Variants in GRTP1 observed in about 807,000 individuals in gnomAD.
The protein encoded by GRTP1 is growth hormone regulated TBC protein 1, also known as growth hormone-regulated TBC protein 1.
A neutral mutation model predicts 38.1 loss-of-function variants in GRTP1; 56 were observed. The ratio of observed to expected loss-of-function variants is 1.47; its 90% CI spans 1.19 to 1.84. The LOEUF (loss-of-function observed/expected upper bound fraction) is 1.84. GRTP1 is among the 40% of genes most tolerant of loss of function. The probability of loss-of-function intolerance (pLI) is 0.00; values close to 1 mark genes in which losing one functional copy is unlikely to be tolerated. For missense variants in GRTP1, 506 were observed against 453.9 expected (o/e 1.11, Z -1.04); for synonymous variants, 217 against 189.5 (o/e 1.14, Z -1.19).
chr13:113,329,013 G>T (rs74115840), intron 5 of GRTP1, among the ~76,000 whole-genome samples: 81 of 152,360 alleles, frequency 5.3e-4, no homozygotes, highest in African/African-American at 1.8e-3. Flanking sequence ...GTAGCAGGCT[G>T]CCCAGGATGG....
rs753951859 is a variant in GRTP1 at position 113,326,049 on chromosome 13, T to A, written c.605A>T (p.Glu202Val). ...PAMLGLKTDQ[E>V]VLGELVRAKL... ...CGCCCGCACCAGCTCCCCGAGGACC[T>A]CCTGGTCGGTCTTCAGGCCCAGCAT... The change falls in exon 6 of 8, where the codon GAG (glutamate) becomes GTG (valine). Residue 202 changes from glutamate to valine, a missense_variant. Coordinates refer to ENST00000375431, the MANE Select transcript of GRTP1 (RefSeq NM_024719.4). 8 of 1,612,272 alleles carry A rather than the reference T, an allele frequency of 5.0e-6. No individual in the cohort carries two copies. Among genetic ancestry groups the A allele is most frequent in the Admixed American group, 1.7e-5 (1 of 59,974 alleles).
chr13:113,326,693 C>A (rs994121171), intron 5 of GRTP1, among the ~76,000 whole-genome samples: 1 of 151,888 alleles, frequency 6.6e-6, no homozygotes, highest in Admixed American at 6.6e-5. Flanking sequence ...AAACAAAAAT[C>A]TGCAGGTGGA....
rs1566438084 is a variant in GRTP1 at position 113,352,362 on chromosome 13, A to ATATATATATATTTATATATATTT, written c.341-1390_341-1389insAAATATATATAAATATATATATA. Reference sequence around the variant, plus strand: ...TTATATATATATTTATATATATTTTATATATATATATATATTTATATATAT... The same window carrying ATATATATATATTTATATATATTT: ...TTATATATATATTTATATATATTTTATATATATATATTTATATATATTTTATATATATATATATTTATATATAT... On this transcript the variant is annotated intron_variant, in intron 3 of 7. Coordinates refer to ENST00000375431, the MANE Select transcript of GRTP1 (RefSeq NM_024719.4). 5.3e-3 allele frequency among the ~76,000 whole-genome samples: 431 copies of ATATATATATATTTATATATATTT among 80,746 alleles called. 23 individuals are homozygous for ATATATATATATTTATATATATTT. Among genetic ancestry groups the ATATATATATATTTATATATATTT allele is most frequent in the African/African-American group, 0.018 (311 of 17,766 alleles). 53.0% of individuals were successfully genotyped at this position (80,746 alleles called of 152,430 possible). A position where few individuals can be genotyped will look rare whatever the true frequency, so the allele number is the denominator to read the frequency against.
intron 2 of GRTP1, among the ~76,000 whole-genome samples, chr13:113,363,452 G>T (rs2043536905): frequency 6.6e-6 from 1 of 152,122 alleles, no homozygotes; most frequent in African/African-American, 2.4e-5. Flanking sequence ...TGATCCGCCC[G>T]CCTCGGCCTC....
chr13:113,363,572 C>T (rs902798491), intron 2 of GRTP1, among the ~76,000 whole-genome samples, 190 bp downstream of exon 2: 3 of 152,186 alleles, frequency 2.0e-5, no homozygotes, highest in African/African-American at 7.2e-5. Flanking sequence ...TCGCGTCCGA[C>T]CCGCCGGCCC....
rs1566433596 is a variant in GRTP1, at chr13:113,348,004, C to CAG, written c.465+2844_465+2845insCT. ...AGCAGACCTGGGAGGACCTGTGTGG[C>CAG]TGAGCGGACCTGGGAGGACCTGTCT... On this transcript the variant is annotated intron_variant, in intron 4 of 7. Transcript: ENST00000375431. The surrounding 1 kb of genome is among the most constrained non-coding windows in gnomAD (Gnocchi z 4.8). Among the ~76,000 whole-genome samples the CAG allele has an allele frequency of 1.1e-4, 16 of 149,802 alleles. No individual in the cohort carries two copies. The highest frequency in any genetic ancestry group is 4.0e-4 in the African/African-American group (16 of 40,130).
intron 4 of GRTP1, among the ~76,000 whole-genome samples, chr13:113,347,448 A>G (rs1213878555): frequency 2.1e-4 from 20 of 96,214 alleles, no homozygotes; most frequent in African/African-American, 5.5e-4. Context: ...GGCTGAGAGC[A>G]GACCCAGGAG....
rs1801338835 is a variant in GRTP1 at position 113,349,195 on chromosome 13, C to T, written c.465+1654G>A. Among the ~76,000 whole-genome samples, 1 of 150,386 alleles carries T rather than the reference C, an allele frequency of 6.6e-6. No individual in the cohort carries two copies. The highest frequency in any genetic ancestry group is 2.1e-4 in the South Asian group (1 of 4,720). On this transcript the variant is annotated intron_variant, in intron 4 of 7. Coordinates refer to ENST00000375431, the MANE Select transcript of GRTP1 (RefSeq NM_024719.4). This position sits in a 1 kb window ranked among gnomAD's most constrained non-coding sequence, Gnocchi z 5.0. ...GGGTGGTGTTTTTTTTTGTTTGTTT[C>T]TCGGTTTTTTTCAGACAGGGTCTTG...
intron 7 of GRTP1, 36 bp downstream of exon 7, chr13:113,325,625 C>T (rs1000088162): frequency 8.7e-6 from 14 of 1,612,926 alleles, no homozygotes; most frequent in Non-Finnish European, 1.2e-5. Context: ...GCGGGGCCCC[C>T]TGGGAGGGGA....
rs1595499408 is a variant in GRTP1 at position 113,347,597 on chromosome 13, GACCCGGGAGGACC to G, written c.466-2651_466-2639del. 3.1e-4 allele frequency among the ~76,000 whole-genome samples: 24 copies of G among 76,272 alleles called. 1 individual carries two copies. The highest frequency in any genetic ancestry group is 4.7e-4 in the African/African-American group (9 of 19,010). 50.0% of individuals were successfully genotyped at this position (76,272 alleles called of 152,430 possible). The stretch of plus-strand genomic sequence containing the variant: ...AGGAGGACCTCTGTGGCTGAGAACA[GACCCGGGAGGACC>G]TCTGTGGCTGAGAGCGGACCTGGGA... On this transcript the variant is annotated intron_variant, in intron 4 of 7. Coordinates refer to ENST00000375431, the MANE Select transcript of GRTP1 (RefSeq NM_024719.4).
chr13:113,346,123 C>T lies in GRTP1; in HGVS notation c.466-1164G>A, dbSNP rs1221272749. Among the ~76,000 whole-genome samples, 209 of 128,576 alleles carry T rather than the reference C, an allele frequency of 1.6e-3. 27 individuals are homozygous for T. Among genetic ancestry groups the T allele is most frequent in the South Asian group, 2.3e-3 (9 of 3,976 alleles). The allele number at this position is 128,576 out of a possible 152,430, so 84.4% of individuals were successfully genotyped here. ...GTGGCCGAGAACAGACCCGGGAGGA[C>T]CTCTGTGGACAAGAGCAGACCCGGG... On this transcript the variant is annotated intron_variant, in intron 4 of 7. Coordinates refer to ENST00000375431, the MANE Select transcript of GRTP1 (RefSeq NM_024719.4).
intron 2 of GRTP1, among the ~76,000 whole-genome samples, chr13:113,363,422 G>A (rs1308926547): frequency 6.6e-6 from 1 of 152,122 alleles, no homozygotes; most frequent in Admixed American, 6.5e-5. Flanking sequence ...GGTCAGGCTG[G>A]TCTCAAACTC....
At chr13:113,346,018 G>GCAAA (rs2043103031) in intron 4 of GRTP1, among the ~76,000 whole-genome samples, 3 of 91,432 alleles carry the variant, frequency 3.3e-5, no homozygotes, top group African/African-American at 1.2e-4. Flanking sequence ...CTCTGCGGCT[G>GCAAA]AGCAGACCTG....
chr13:113,352,547 G>A (rs913868992), intron 3 of GRTP1, among the ~76,000 whole-genome samples: 3 of 151,248 alleles, frequency 2.0e-5, no homozygotes, highest in Non-Finnish European at 2.9e-5. Context: ...GCTAATTTAC[G>A]TATTGTTTTG....
intron 5 of GRTP1, 70 bp from the exon 6 acceptor site, chr13:113,326,161 G>A: frequency 6.4e-7 from 1 of 1,568,600 alleles, no homozygotes; most frequent in Non-Finnish European, 8.6e-7. Context: ...TCCCCTCAGA[G>A]CCAGACAAAG....
At chr13:113,363,395 C>T (rs2043535135) in intron 2 of GRTP1, among the ~76,000 whole-genome samples, 1 of 152,128 alleles carries the variant, frequency 6.6e-6, no homozygotes, top group African/African-American at 2.4e-5. Context: ...TTAGTAGAGA[C>T]GGGGTTTCAC....
Position 113,348,096 on chromosome 13 carries a change from G to C in GRTP1, c.465+2753C>G, listed in dbSNP as rs891508865. On this transcript the variant is annotated intron_variant, in intron 4 of 7. Transcript: ENST00000375431. This position sits in a 1 kb window ranked among gnomAD's most constrained non-coding sequence, Gnocchi z 4.8. ...CCCCTTTGAGTGGACAGTGCTACTG[G>C]ACCTGGGAGAGGGCGACCATGTGGA... 1.3e-5 allele frequency among the ~76,000 whole-genome samples: 2 copies of C among 152,216 alleles called. No individual in the cohort carries two copies. The highest frequency in any genetic ancestry group is 2.9e-5 in the Non-Finnish European group (2 of 68,036).
At position 113,349,836 on chromosome 13, in the gene GRTP1, G is replaced by A. The variant is rs1479372331; in HGVS notation, c.465+1013C>T. 5.3e-5 allele frequency among the ~76,000 whole-genome samples: 8 copies of A among 152,232 alleles called. No homozygotes were observed. Among genetic ancestry groups the A allele is most frequent in the Admixed American group, 2.6e-4 (4 of 15,290 alleles). ...TCTGGTTGGTGCACGCCTGGCTCCC[G>A]GCTCCTACAGGAAGTTTCTGGGGGC... On this transcript the variant is annotated intron_variant, in intron 4 of 7. Transcript: ENST00000375431. This position sits in a 1 kb window ranked among gnomAD's most constrained non-coding sequence, Gnocchi z 5.0.
At position 113,342,688 on chromosome 13, in the gene GRTP1, A is replaced by T. The variant is rs1043367363; in HGVS notation, c.562+2175T>A. Among the ~76,000 whole-genome samples, 2 of 152,238 alleles carry T rather than the reference A, an allele frequency of 1.3e-5. No individual in the cohort carries two copies. The highest frequency in any genetic ancestry group is 4.8e-5 in the African/African-American group (2 of 41,558). On this transcript the variant is annotated intron_variant, in intron 5 of 7. Coordinates refer to ENST00000375431, the MANE Select transcript of GRTP1 (RefSeq NM_024719.4). The surrounding 1 kb of genome is among the most constrained non-coding windows in gnomAD (Gnocchi z 4.5). ...GATGACTGTGGCACTGAAACGACCTACTTCGGTCACTGTAACTTAGAGAAG... is the reference window on the plus strand; with the variant it reads ...GATGACTGTGGCACTGAAACGACCTTCTTCGGTCACTGTAACTTAGAGAAG...
Sources: allele counts gnomAD v4.1 joint callset (sites outside exome capture counted in the v4.1 genomes callset), GRCh38; gene constraint gnomAD v4.1.1; non-coding constraint Gnocchi (gnomAD v3.1); transcripts MANE v1.5; gene names NCBI Gene and HGNC (gene_info 2026-07-23, HGNC 2026-07-21).